The following HECW1 variants were observed in gnomAD, a reference collection of about 807,000 sequenced individuals.
The protein encoded by HECW1 is E3 ubiquitin-protein ligase HECW1.
A neutral mutation model predicts 182.3 loss-of-function variants in HECW1; 61 were observed. The observed-to-expected ratio is 0.33, with a 90% confidence interval of 0.27 to 0.41. HECW1 has a LOEUF of 0.41. HECW1 is among the 10% of genes least tolerant of loss of function. The probability of loss-of-function intolerance (pLI) is 1.00; values close to 1 mark genes in which losing one functional copy is unlikely to be tolerated. For synonymous variants in HECW1, 859 were observed against 832.6 expected (o/e 1.03, Z -0.55); for missense variants, 1,739 against 2,108.9 (o/e 0.82, Z 3.44).
intron 2 of HECW1, among the ~76,000 whole-genome samples, chr7:43,155,973 C>A (rs1189497940): frequency 6.6e-6 from 1 of 152,072 alleles, no homozygotes; most frequent in Non-Finnish European, 1.5e-5. Context: ...TTTCTTTGTT[C>A]GTTTAAAACA....
intron 17 of HECW1, among the ~76,000 whole-genome samples, chr7:43,490,968 A>G (rs911849072): frequency 2.0e-5 from 3 of 152,114 alleles, no homozygotes; most frequent in African/African-American, 4.8e-5. Flanking sequence ...CTGGTGGCCA[A>G]TCTCAAACTC....
chr7:43,396,293 T>C (rs983770405), intron 6 of HECW1, among the ~76,000 whole-genome samples: 1 of 152,192 alleles, frequency 6.6e-6, no homozygotes, highest in African/African-American at 2.4e-5. Flanking sequence ...AGGAAGGCAA[T>C]TGATTAATTA....
intron 24 of HECW1, among the ~76,000 whole-genome samples, chr7:43,525,473 G>A (rs2080719810): frequency 6.6e-6 from 1 of 152,336 alleles, no homozygotes; most frequent in Admixed American, 6.5e-5. Flanking sequence ...CAGCGGGGTG[G>A]AGGGTAAAGA....
chr7:43,299,303 G>A (rs1806441180), intron 3 of HECW1, among the ~76,000 whole-genome samples: 1 of 152,170 alleles, frequency 6.6e-6, no homozygotes, highest in Admixed American at 6.5e-5. Context: ...GAGGCCGTGG[G>A]GCTGGTACCT....
chr7:43,265,831 T>TC (rs751393454), intron 3 of HECW1, among the ~76,000 whole-genome samples: 2 of 151,866 alleles, frequency 1.3e-5, no homozygotes, highest in Non-Finnish European at 2.9e-5. Flanking sequence ...TTCCCAAAAC[T>TC]CCCCCCTCAG....
At chr7:43,472,402 G>A (rs1318017916) in intron 16 of HECW1, among the ~76,000 whole-genome samples, 1 of 152,068 alleles carries the variant, frequency 6.6e-6, no homozygotes. Flanking sequence ...TCTTGTGGCA[G>A]GATTTTAAGC....
At chr7:43,139,133 A>G (rs148183529) in intron 2 of HECW1, among the ~76,000 whole-genome samples, 2,927 of 152,122 alleles carry the variant, frequency 0.019, 40 homozygotes, top group Non-Finnish European at 0.03. Flanking sequence ...CTTAATGAGC[A>G]GCTCTGATGT....
rs117144536 is a variant in HECW1, at chr7:43,235,192, G to A, written c.-31-8683G>A. ...TCTGTCCCTGGGGACCCTGCAGGAA[G>A]AAGTGGAGTTCCCCGGCCCCCACAC... On this transcript the variant is annotated intron_variant, in intron 2 of 29. Transcript: ENST00000395891. Among the ~76,000 whole-genome samples the A allele has an allele frequency of 3.6e-4, 55 of 152,296 alleles. No homozygotes were observed. In the East Asian group the frequency reaches 0.01, roughly 29 times the overall value.
At chr7:43,329,423 C>T (rs1024456536) in intron 5 of HECW1, among the ~76,000 whole-genome samples, 8 of 151,540 alleles carry the variant, frequency 5.3e-5, no homozygotes, top group Non-Finnish European at 7.4e-5. Context: ...AGGCTTGAGA[C>T]CACCAAGAAA....
intron 2 of HECW1, among the ~76,000 whole-genome samples, chr7:43,208,156 T>C (rs1254385410): frequency 2.6e-5 from 4 of 152,212 alleles, no homozygotes; most frequent in Admixed American, 1.3e-4. Flanking sequence ...ACCCTCATAT[T>C]TTCCAGATCT....
At chr7:43,422,307 G>T (rs1167569259) in intron 8 of HECW1, among the ~76,000 whole-genome samples, 1 of 151,884 alleles carries the variant, frequency 6.6e-6, no homozygotes, top group Non-Finnish European at 1.5e-5. Context: ...CCAGGGGTCA[G>T]GGTTGGGCCT....
chr7:43,205,767 G>C (rs1795416452), intron 2 of HECW1, among the ~76,000 whole-genome samples: 1 of 152,142 alleles, frequency 6.6e-6, no homozygotes, highest in African/African-American at 2.4e-5. Flanking sequence ...GGTCCCTTCT[G>C]TCCTACCCCT....
intron 6 of HECW1, among the ~76,000 whole-genome samples, chr7:43,396,393 G>A (rs950408124): frequency 6.6e-6 from 1 of 152,202 alleles, no homozygotes; most frequent in African/African-American, 2.4e-5. Flanking sequence ...AAGTGGAGAT[G>A]CAGCAGTTCA....
intron 5 of HECW1, among the ~76,000 whole-genome samples, chr7:43,322,789 C>T (rs1252072422): frequency 1.3e-5 from 2 of 152,172 alleles, no homozygotes; most frequent in Non-Finnish European, 2.9e-5. Flanking sequence ...CACAAACCTA[C>T]AATGGAAGTT....
At chr7:43,535,314 T>A (rs145418931) in intron 24 of HECW1, among the ~76,000 whole-genome samples, 588 of 152,336 alleles carry the variant, frequency 3.9e-3, no homozygotes, top group Non-Finnish European at 7.2e-3. Context: ...AAAACCCAGA[T>A]GGAACTATGA....
chr7:43,193,061 T>C (rs111505937), intron 2 of HECW1, among the ~76,000 whole-genome samples: 24 of 152,366 alleles, frequency 1.6e-4, no homozygotes, highest in African/African-American at 5.3e-4. Context: ...ATTCTGGAAC[T>C]GATGGTCCCT....
At chr7:43,140,651 A>C (rs1467568465) in intron 2 of HECW1, among the ~76,000 whole-genome samples, 1 of 152,222 alleles carries the variant, frequency 6.6e-6, no homozygotes, top group Non-Finnish European at 1.5e-5. Flanking sequence ...CGTGCTCAGT[A>C]TTCTCCCACG....
At chr7:43,145,842 A>T (rs999370627) in intron 2 of HECW1, among the ~76,000 whole-genome samples, 43 of 152,066 alleles carry the variant, frequency 2.8e-4, no homozygotes, top group Admixed American at 2.6e-3. Flanking sequence ...GTAAAAAAAA[A>T]TAATAATAAC....
intron 4 of HECW1, among the ~76,000 whole-genome samples, chr7:43,316,647 T>C (rs1247333586): frequency 6.6e-6 from 1 of 151,874 alleles, no homozygotes. Flanking sequence ...GCTTCCATCA[T>C]GACAAGAATG....
Sources: gnomAD v4.1 joint callset for allele counts (sites outside exome capture counted in the v4.1 genomes callset) on GRCh38, gnomAD v4.1.1 for gene constraint, MANE v1.5 for transcripts, NCBI Gene and HGNC (gene_info 2026-07-23, HGNC 2026-07-21) for gene names.